The following POLR3B variants were observed in gnomAD, a reference collection of about 807,000 sequenced individuals.
The protein encoded by POLR3B is RNA polymerase III subunit B.
A neutral mutation model predicts 147.4 loss-of-function variants in POLR3B; 96 were observed. The ratio of observed to expected loss-of-function variants is 0.65; its 90% CI spans 0.55 to 0.77. POLR3B has a LOEUF of 0.77. Ranked by LOEUF, POLR3B falls within the 30% of genes least tolerant of loss-of-function variation. The probability of loss-of-function intolerance (pLI) is 0.00; values close to 1 mark genes in which losing one functional copy is unlikely to be tolerated. For missense variants in POLR3B, 1,036 were observed against 1,413.5 expected (o/e 0.73, Z 4.28); for synonymous variants, 461 against 485.9 (o/e 0.95, Z 0.67).
At chr12:106,481,536 G>C (rs2038268078) in intron 23 of POLR3B, among the ~76,000 whole-genome samples, 1 of 152,182 alleles carries the variant, frequency 6.6e-6, no homozygotes, top group South Asian at 2.1e-4. Flanking sequence ...GGCCATGTCA[G>C]CTCACCTCTT....
chr12:106,496,309 C>T, intron 24 of POLR3B, 151 bp downstream of exon 24: 1 of 708,662 alleles, frequency 1.4e-6, no homozygotes, highest in Non-Finnish European at 2.6e-6. Flanking sequence ...GGCTTCCAGC[C>T]CCTAACGATT....
At chr12:106,492,113 G>T (rs1398348971) in intron 23 of POLR3B, among the ~76,000 whole-genome samples, 1 of 152,000 alleles carries the variant, frequency 6.6e-6, no homozygotes, top group African/African-American at 2.4e-5. Context: ...GTCTTCATAT[G>T]CTACTAGAAT....
At chr12:106,412,655 T>A (rs1188294364) in intron 12 of POLR3B, among the ~76,000 whole-genome samples, 2 of 152,244 alleles carry the variant, frequency 1.3e-5, no homozygotes, top group Non-Finnish European at 2.9e-5. Context: ...TGAGCCACAT[T>A]ATGCATATTT....
chr12:106,467,925 G>A (rs2038029113), intron 23 of POLR3B, among the ~76,000 whole-genome samples: 1 of 152,018 alleles, frequency 6.6e-6, no homozygotes. Flanking sequence ...TTTTTTTATT[G>A]TATCTCTGCC....
chr12:106,392,890 A>C lies in POLR3B; in HGVS notation c.724-141A>C, dbSNP rs1236855939. ...TTCTGCAGCTTGGGCAAGGCTGCCAATGCCAGATGGCACCATTTCTGAGAG... is the reference window on the plus strand; with the variant it reads ...TTCTGCAGCTTGGGCAAGGCTGCCACTGCCAGATGGCACCATTTCTGAGAG... On this transcript the variant is annotated intron_variant, in intron 9 of 27. Coordinates refer to ENST00000228347, the MANE Select transcript of POLR3B (RefSeq NM_018082.6). 5 of 1,007,140 alleles carry C rather than the reference A, an allele frequency of 5.0e-6. No homozygotes were observed. In the East Asian group the frequency reaches 1.2e-4, roughly 25 times the overall value. 62.4% of individuals were successfully genotyped at this position (1,007,140 alleles called of 1,614,324 possible).
intron 23 of POLR3B, among the ~76,000 whole-genome samples, chr12:106,468,928 G>T (rs1271220836): frequency 1.3e-5 from 2 of 152,170 alleles, no homozygotes; most frequent in African/African-American, 4.8e-5. Context: ...TTGATTTGGG[G>T]TGGAGAGTTC....
chr12:106,505,664 C>G (rs746067900), intron 27 of POLR3B, among the ~76,000 whole-genome samples: 24 of 152,150 alleles, frequency 1.6e-4, no homozygotes, highest in Non-Finnish European at 2.9e-4. Flanking sequence ...GCCTCACCCC[C>G]TCATTGCCCC....
At chr12:106,462,520 A>G (rs915313336) in intron 22 of POLR3B, among the ~76,000 whole-genome samples, 1 of 152,270 alleles carries the variant, frequency 6.6e-6, no homozygotes, top group South Asian at 2.1e-4. Flanking sequence ...GATTACAGGC[A>G]TGAGCCACCG....
intron 23 of POLR3B, among the ~76,000 whole-genome samples, chr12:106,477,891 CTTT>C (rs34915594): frequency 0.25 from 17,287 of 70,516 alleles, 2,766 homozygotes; most frequent in African/African-American, 0.36. Context: ...GGCTCCTCCC[CTTT>C]TTTTTTTTTT....
At chr12:106,406,121 C>A (rs894779610) in intron 11 of POLR3B, 145 bp downstream of exon 11, 6 of 790,172 alleles carry the variant, frequency 7.6e-6, no homozygotes, top group Non-Finnish European at 1.3e-5. Context: ...TCAGAAATAA[C>A]CTTCCATTAT....
chr12:106,496,242 G>A (rs2038483326), intron 24 of POLR3B, 84 bp downstream of exon 24: 9 of 876,818 alleles, frequency 1.0e-5, no homozygotes, highest in Admixed American at 1.7e-5. Flanking sequence ...TGGAGGTGAC[G>A]AGGACTCTGA....
intron 6 of POLR3B, among the ~76,000 whole-genome samples, chr12:106,372,662 G>A (rs904253366): frequency 3.9e-5 from 6 of 151,940 alleles, no homozygotes; most frequent in African/African-American, 1.5e-4. Flanking sequence ...CTTTAAATGC[G>A]ATGCTTTGAC....
At position 106,490,702 on chromosome 12, in the gene POLR3B, A is replaced by T. The variant is rs11113013; in HGVS notation, c.2714-5353A>T. Among the ~76,000 whole-genome samples the T allele has an allele frequency of 3.9e-5, 6 of 151,988 alleles. No homozygotes were observed. The South Asian group carries it at 1.2e-3, about 32-fold the overall frequency. ...GTTAATTCGATAGCTGGAAAAGGGG[A>T]GGGGAAGAACGGAATAACCACCTGT... On this transcript the variant is annotated intron_variant, in intron 23 of 27. Transcript: ENST00000228347.
At chr12:106,368,378 T>C (rs2036559759) in intron 4 of POLR3B, among the ~76,000 whole-genome samples, 1 of 152,096 alleles carries the variant, frequency 6.6e-6, no homozygotes. Context: ...ACATCTGTAT[T>C]TCTTTATCCT....
intron 1 of POLR3B, among the ~76,000 whole-genome samples, chr12:106,362,088 A>G (rs989466484): frequency 1.3e-5 from 2 of 152,180 alleles, no homozygotes; most frequent in African/African-American, 4.8e-5. Flanking sequence ...AAGTAGTCAG[A>G]GGAGCTGCTG....
chr12:106,462,365 A>G (rs1219187643), intron 22 of POLR3B, among the ~76,000 whole-genome samples: 2 of 152,144 alleles, frequency 1.3e-5, no homozygotes, highest in Non-Finnish European at 2.9e-5. Context: ...CTCTTGCCTT[A>G]GCCTCCTGAA....
chr12:106,461,278 A>G (rs2037930628), intron 22 of POLR3B, among the ~76,000 whole-genome samples: 1 of 152,072 alleles, frequency 6.6e-6, no homozygotes, highest in African/African-American at 2.4e-5. Context: ...TATTTTTACA[A>G]AAACAAAAAA....
intron 23 of POLR3B, among the ~76,000 whole-genome samples, chr12:106,480,165 A>C (rs770061267): frequency 1.3e-5 from 2 of 152,096 alleles, no homozygotes; most frequent in African/African-American, 4.8e-5. Context: ...GGTGTGAGCC[A>C]CTGTGCCTGG....
chr12:106,360,806 A>C lies in POLR3B; in HGVS notation c.72+2855A>C, dbSNP rs575242959. Among the ~76,000 whole-genome samples, 4 of 152,372 alleles carry C rather than the reference A, an allele frequency of 2.6e-5. No homozygotes were observed. In the South Asian group the frequency reaches 8.3e-4, roughly 32 times the overall value. ...CACAGGGTTTATACAAGTTCAAAAA[A>C]TGTGTTTTCTGCCTCCCAGTGTGTT... On this transcript the variant is annotated intron_variant, in intron 1 of 27. Transcript: ENST00000228347.
Sources: gnomAD v4.1 joint callset for allele counts (sites outside exome capture counted in the v4.1 genomes callset) on GRCh38, gnomAD v4.1.1 for gene constraint, MANE v1.5 for transcripts, NCBI Gene and HGNC (gene_info 2026-07-23, HGNC 2026-07-21) for gene names.